The following PDE8B variants were observed in gnomAD, a reference collection of about 807,000 sequenced individuals.
The protein encoded by PDE8B is phosphodiesterase 8B, also known as high affinity cAMP-specific and IBMX-insensitive 3',5'-cyclic phosphodiesterase 8B.
Under a neutral mutation model 101.3 loss-of-function variants are expected in PDE8B, and 26 were observed. The ratio of observed to expected loss-of-function variants is 0.26; its 90% CI spans 0.19 to 0.36. The LOEUF is 0.36. PDE8B is among the 10% of genes least tolerant of loss of function. PDE8B has a pLI of 1.00. For synonymous variants in PDE8B, 424 were observed against 429.3 expected, an observed-to-expected ratio of 0.99 and a Z score of 0.15; for missense variants, 810 against 1,163.1, an observed-to-expected ratio of 0.70 and a Z score of 4.42.
At chr5:77,350,770 A>G (rs1432602571) in intron 8 of PDE8B, among the ~76,000 whole-genome samples, 2 of 152,360 alleles carry the variant, frequency 1.3e-5, no homozygotes, top group Non-Finnish European at 2.9e-5. Flanking sequence ...AGAGACCTCC[A>G]AAGAATCCCT....
intron 2 of PDE8B, among the ~76,000 whole-genome samples, chr5:77,319,026 A>G (rs1450479703): frequency 1.3e-5 from 2 of 152,212 alleles, no homozygotes; most frequent in Non-Finnish European, 2.9e-5. Flanking sequence ...GTTTCATTCT[A>G]ATTTAGCTGT....
At chr5:77,377,455 C>T (rs1388930776) in intron 10 of PDE8B, among the ~76,000 whole-genome samples, 3 of 152,140 alleles carry the variant, frequency 2.0e-5, no homozygotes. Flanking sequence ...GCTTAACAAG[C>T]CTTCCAGGTG....
the PDE8B span, chr5:77,180,474 G>C: frequency 3.0e-6 from 3 of 985,292 alleles, no homozygotes; most frequent in African/African-American, 5.2e-5. Context: ...ACTGCCCACC[G>C]AGCGCGTGCC....
chr5:77,314,277 G>T (rs192252737), intron 2 of PDE8B, among the ~76,000 whole-genome samples: 41 of 152,142 alleles, frequency 2.7e-4, no homozygotes, highest in Middle Eastern at 6.8e-3. Flanking sequence ...ACACTGTCTC[G>T]ATTAGTGTAA....
At chr5:77,393,567 T>C (rs1273341911) in intron 10 of PDE8B, among the ~76,000 whole-genome samples, 1 of 152,228 alleles carries the variant, frequency 6.6e-6, no homozygotes, top group Non-Finnish European at 1.5e-5. Context: ...TTTGCTTTAG[T>C]TGCAAAATAA....
At chr5:77,201,524 A>G in the PDE8B span, among the ~76,000 whole-genome samples, 1 of 152,178 alleles carries the variant, frequency 6.6e-6, no homozygotes. Flanking sequence ...TTCTAGACTC[A>G]AGATTCTGGG....
chr5:77,299,273 T>TTTA (rs140712806), intron 1 of PDE8B, among the ~76,000 whole-genome samples: 1 of 149,640 alleles, frequency 6.7e-6, no homozygotes, highest in Admixed American at 6.6e-5. Flanking sequence ...TTTGTTTTAT[T>TTTA]TTATTATTAT....
At chr5:77,121,509 C>CTTT in the PDE8B span, among the ~76,000 whole-genome samples, 7 of 141,124 alleles carry the variant, frequency 5.0e-5, no homozygotes, top group Non-Finnish European at 4.6e-5. Flanking sequence ...ATTAGGCTTC[C>CTTT]TTTTTTTTTT....
chr5:77,125,490 G>C, the PDE8B span, among the ~76,000 whole-genome samples: 1 of 152,164 alleles, frequency 6.6e-6, no homozygotes, highest in Non-Finnish European at 1.5e-5. Context: ...TAAAAGCAGA[G>C]ACTCAAATAG....
the PDE8B span, among the ~76,000 whole-genome samples, chr5:77,174,636 C>T: frequency 6.6e-6 from 1 of 152,174 alleles, no homozygotes; most frequent in Non-Finnish European, 1.5e-5. Context: ...TTCATTCTCT[C>T]TGAGCAGGTT....
At chr5:77,224,876 G>A (rs1005239625) in intron 1 of PDE8B, among the ~76,000 whole-genome samples, 15 of 152,100 alleles carry the variant, frequency 9.9e-5, no homozygotes, top group Non-Finnish European at 2.1e-4. Flanking sequence ...ACATTCCTGT[G>A]GTATCATTAA....
intron 1 of PDE8B, among the ~76,000 whole-genome samples, chr5:77,294,916 A>G (rs1233211270): frequency 1.3e-5 from 2 of 149,634 alleles, no homozygotes; most frequent in Non-Finnish European, 3.0e-5. Flanking sequence ...TATATAATAC[A>G]TATACATATA....
chr5:77,194,111 G>A, the PDE8B span, among the ~76,000 whole-genome samples: 1 of 152,072 alleles, frequency 6.6e-6, no homozygotes, highest in Non-Finnish European at 1.5e-5. Flanking sequence ...TTCCCAGATT[G>A]TATCTTTTAC....
chr5:77,157,541 A>T, the PDE8B span, among the ~76,000 whole-genome samples: 30 of 152,362 alleles, frequency 2.0e-4, no homozygotes, highest in African/African-American at 7.2e-4. Flanking sequence ...GATTCAGGCT[A>T]TAAGTCATGA....
chr5:77,424,503 T>G (rs1797484634), intron 20 of PDE8B, among the ~76,000 whole-genome samples: 1 of 152,198 alleles, frequency 6.6e-6, no homozygotes, highest in Non-Finnish European at 1.5e-5. Flanking sequence ...ATACTCAGAT[T>G]TCCACACACC....
chr5:77,183,794 A>G, the PDE8B span, among the ~76,000 whole-genome samples: 3 of 152,222 alleles, frequency 2.0e-5, no homozygotes, highest in East Asian at 5.8e-4. Context: ...ATCCCTGTGA[A>G]TGGGCATTTG....
At chr5:77,291,384 G>C in intron 1 of PDE8B, 1 of 1,611,888 alleles carries the variant, frequency 6.2e-7, no homozygotes, top group South Asian at 1.1e-5. Flanking sequence ...TGGGGGCAAG[G>C]TTATGGATCG....
intron 2 of PDE8B, among the ~76,000 whole-genome samples, chr5:77,322,545 G>A (rs1351548056): frequency 6.6e-6 from 1 of 152,102 alleles, no homozygotes; most frequent in South Asian, 2.1e-4. Flanking sequence ...AGTCACCCAG[G>A]CTCCCTTGCA....
intron 1 of PDE8B, among the ~76,000 whole-genome samples, chr5:77,224,409 C>T (rs1580411652): frequency 6.6e-6 from 1 of 152,142 alleles, no homozygotes; most frequent in Admixed American, 6.5e-5. Flanking sequence ...TGAAACCTCA[C>T]GTGTACATCC....
Sources: allele counts gnomAD v4.1 joint callset (sites outside exome capture counted in the v4.1 genomes callset), GRCh38; gene constraint gnomAD v4.1.1; transcripts MANE v1.5; gene names NCBI Gene and HGNC (gene_info 2026-07-23, HGNC 2026-07-21).